DCDC1: variants seen among roughly 807,000 people sequenced by gnomAD.
The protein encoded by DCDC1 is doublecortin domain-containing protein 1.
A neutral mutation model predicts 178.3 loss-of-function variants in DCDC1; 200 were observed. That is an observed-to-expected ratio of 1.12 (90% CI 1.00 to 1.26). The LOEUF (loss-of-function observed/expected upper bound fraction) is 1.26, where lower values mean the gene tolerates loss of function less well. Among genes scored for constraint, DCDC1 ranks in the 50% most tolerant of loss-of-function variants. DCDC1 has a pLI of 0.00. For synonymous variants in DCDC1, 690 were observed against 604.8 expected (o/e 1.14, Z -2.07); for missense variants, 1,983 against 1,749.2 (o/e 1.13, Z -2.38).
At chr11:31,301,227 G>A (rs1948095664) in intron 6 of DCDC1, among the ~76,000 whole-genome samples, 1 of 152,030 alleles carries the variant, frequency 6.6e-6, no homozygotes, top group African/African-American at 2.4e-5. Context: ...ATATAGAAAA[G>A]TGGAAGTTAA....
At chr11:31,048,718 G>A (rs556596422) in intron 20 of DCDC1, among the ~76,000 whole-genome samples, 19 of 152,222 alleles carry the variant, frequency 1.2e-4, no homozygotes, top group Non-Finnish European at 2.1e-4. Context: ...TTAGCCAGAC[G>A]TGGTGGCAGG....
chr11:31,357,275 G>C (rs1268058445), intron 1 of DCDC1, among the ~76,000 whole-genome samples: 2 of 151,434 alleles, frequency 1.3e-5, no homozygotes, highest in Non-Finnish European at 2.9e-5. Flanking sequence ...ATGCAAGGCT[G>C]GTTCAATATA....
intron 7 of DCDC1, among the ~76,000 whole-genome samples, chr11:31,288,986 T>C (rs949106788): frequency 1.3e-5 from 2 of 152,008 alleles, no homozygotes; most frequent in Admixed American, 6.6e-5. Flanking sequence ...TACTAAATCA[T>C]GTTCTATCAT....
chr11:31,328,689 T>C (rs1236238396), intron 2 of DCDC1, among the ~76,000 whole-genome samples: 1 of 151,684 alleles, frequency 6.6e-6, no homozygotes, highest in East Asian at 1.9e-4. Context: ...CAGGTGCCTG[T>C]AGTCCCAGCT....
At chr11:30,901,382 G>T (rs1175268589) in intron 32 of DCDC1, among the ~76,000 whole-genome samples, 1 of 152,150 alleles carries the variant, frequency 6.6e-6, no homozygotes, top group Non-Finnish European at 1.5e-5. Flanking sequence ...TTACAGATAT[G>T]ATAACTGAGC....
chr11:31,170,719 G>A lies in DCDC1; in HGVS notation c.1222-32935C>T, dbSNP rs1967097099. Among the ~76,000 whole-genome samples, 3 of 152,186 alleles carry A rather than the reference G, an allele frequency of 2.0e-5. No homozygotes were observed. In the South Asian group the frequency reaches 6.2e-4, roughly 31 times the overall value. On this transcript the variant is annotated intron_variant, in intron 9 of 38. Transcript: ENST00000684477. ...GCAAATGGTCCTCAGCATCAAAGAT[G>A]TCTGTTGCCTACTATAGGTTTACTC... is the stretch of plus-strand genomic sequence containing the variant.
chr11:31,269,980 G>A (rs1462103278), intron 7 of DCDC1, among the ~76,000 whole-genome samples: 2 of 152,152 alleles, frequency 1.3e-5, no homozygotes, highest in African/African-American at 4.8e-5. Context: ...AGGTTAATAA[G>A]CCATCAGACC....
intron 1 of DCDC1, among the ~76,000 whole-genome samples, chr11:31,345,642 A>G (rs1166902914): frequency 6.6e-6 from 1 of 152,330 alleles, no homozygotes; most frequent in African/African-American, 2.4e-5. Flanking sequence ...TGAGTATCTA[A>G]TAATACTAAA....
At chr11:31,037,285 G>T (rs2135320234) in intron 20 of DCDC1, among the ~76,000 whole-genome samples, 1 of 152,272 alleles carries the variant, frequency 6.6e-6, no homozygotes, top group East Asian at 1.9e-4. Flanking sequence ...TTTTCCCAGA[G>T]ACTCCTGAAA....
intron 9 of DCDC1, among the ~76,000 whole-genome samples, chr11:31,142,122 G>C (rs1963894019): frequency 6.6e-6 from 1 of 152,214 alleles, no homozygotes; most frequent in East Asian, 1.9e-4. Flanking sequence ...TGCTGGGAGA[G>C]TGGGGGAAGC....
At chr11:31,242,135 G>A (rs1316035299) in intron 8 of DCDC1, among the ~76,000 whole-genome samples, 3 of 151,788 alleles carry the variant, frequency 2.0e-5, no homozygotes, top group African/African-American at 7.3e-5. Context: ...ATACAACAGC[G>A]TGGCAAGACT....
chr11:30,988,749 T>A (rs1391085343), intron 20 of DCDC1, among the ~76,000 whole-genome samples: 2 of 152,188 alleles, frequency 1.3e-5, no homozygotes, highest in Non-Finnish European at 2.9e-5. Context: ...TTATAATGTT[T>A]TAAGAAAGTT....
At chr11:31,010,006 A>G (rs1407364987) in intron 20 of DCDC1, among the ~76,000 whole-genome samples, 1 of 152,188 alleles carries the variant, frequency 6.6e-6, no homozygotes, top group Non-Finnish European at 1.5e-5. Context: ...ATTACCTCCC[A>G]CTGGGTCCCT....
chr11:31,102,206 C>T lies in DCDC1; in HGVS notation c.1954G>A (p.Asp652Asn), dbSNP rs1958556946. 1.4e-6 allele frequency: 1 copy of T among 729,768 alleles called. No individual in the cohort carries two copies. Among genetic ancestry groups the T allele is most frequent in the South Asian group, 1.5e-5 (1 of 67,774 alleles). The allele number at this position is 729,768 out of a possible 1,614,324, so 45.2% of individuals were successfully genotyped here. Reference protein sequence around the residue: ...QQIPDQFEKVDLENHFLQNKV... With the variant: ...QQIPDQFEKVNLENHFLQNKV... Reference sequence around the variant, plus strand: ...TTCTGTAGAAAATGGTTCTCCAAGTCCACCTTTTCAAACTGGTCAGGTATC... The same window carrying T: ...TTCTGTAGAAAATGGTTCTCCAAGTTCACCTTTTCAAACTGGTCAGGTATC... The change falls in exon 15 of 39, where the codon GAC becomes AAC. Residue 652 changes from aspartate (D) to asparagine (N), a missense_variant. Coordinates refer to ENST00000684477, the MANE Select transcript of DCDC1 (RefSeq NM_001387274.1).
intron 31 of DCDC1, 42 bp from the exon 32 acceptor site, chr11:30,903,725 T>TA: frequency 6.7e-7 from 1 of 1,486,782 alleles, no homozygotes; most frequent in Non-Finnish European, 9.0e-7. Context: ...GCAAAGGTGA[T>TA]AGCATTGGGA....
Position 30,906,632 on chromosome 11 carries a change from ATTGTTT to A in DCDC1, c.4006_4011del (p.Lys1336_Gln1337del), listed in dbSNP as rs1945085795. 4 of 1,613,616 alleles carry A rather than the reference ATTGTTT, an allele frequency of 2.5e-6. No homozygotes were observed. The East Asian group carries it at 8.9e-5, about 36-fold the overall frequency. On this transcript the variant is annotated inframe_deletion, in exon 30 of 39. Coordinates refer to ENST00000684477, the MANE Select transcript of DCDC1 (RefSeq NM_001387274.1). ...CAGAGGAATGGAACCCCTGGAAGCA[ATTGTTT>A]CAGTCCTTTCTCTGTTCTCATGGAT...
rs548081192 is a variant in DCDC1 at position 31,246,939 on chromosome 11, T to C, written c.1055-5323A>G. Among the ~76,000 whole-genome samples, 141 of 152,204 alleles carry C rather than the reference T, an allele frequency of 9.3e-4. 3 individuals are homozygous for C. The South Asian group carries it at 0.028, about 30-fold the overall frequency. Reference sequence around the variant, plus strand: ...TCCACTGAACAAAATGACAAGCACATGATTGCTATACTTAGAGCAATCTTT... The same window carrying C: ...TCCACTGAACAAAATGACAAGCACACGATTGCTATACTTAGAGCAATCTTT... On this transcript the variant is annotated intron_variant, in intron 8 of 38. Transcript: ENST00000684477.
At chr11:31,063,375 C>A (rs1956060744) in intron 20 of DCDC1, among the ~76,000 whole-genome samples, 1 of 152,142 alleles carries the variant, frequency 6.6e-6, no homozygotes, top group Admixed American at 6.5e-5. Context: ...GATTATAAAT[C>A]ACGCTGCTAT....
chr11:31,292,020 C>A (rs1218354045), intron 6 of DCDC1, among the ~76,000 whole-genome samples: 1 of 151,924 alleles, frequency 6.6e-6, no homozygotes, highest in East Asian at 1.9e-4. Flanking sequence ...TCTATTCTTA[C>A]CCCCCTTTCA....
Sources: allele counts gnomAD v4.1 joint callset (sites outside exome capture counted in the v4.1 genomes callset), GRCh38; gene constraint gnomAD v4.1.1; transcripts MANE v1.5; gene names NCBI Gene and HGNC (gene_info 2026-07-23, HGNC 2026-07-21).